The following NCS1 variants were observed in gnomAD, a reference collection of about 807,000 sequenced individuals.
NCS1 encodes neuronal calcium sensor 1.
A neutral mutation model predicts 28.4 loss-of-function variants in NCS1; 6 were observed. The observed-to-expected ratio is 0.21, with a 90% CI of 0.12 to 0.42. The LOEUF is 0.42. Among genes scored for constraint, NCS1 ranks in the 10% least tolerant of loss-of-function variants. The probability of loss-of-function intolerance (pLI) is 1.00; values close to 1 mark genes in which losing one functional copy is unlikely to be tolerated. For synonymous variants in NCS1, 86 were observed against 99.3 expected (o/e 0.87, Z 0.79); for missense variants, 131 against 241.4 (o/e 0.54, Z 3.03).
chr9:130,185,257 C>T (rs1049700968), intron 1 of NCS1, among the ~76,000 whole-genome samples: 1 of 152,262 alleles, frequency 6.6e-6, no homozygotes, highest in African/African-American at 2.4e-5. Flanking sequence ...GACTGCGTCT[C>T]GTTGCGTGGC....
At position 130,192,184 on chromosome 9, in the gene NCS1, G is replaced by A. The variant is rs369820441; in HGVS notation, c.65-8774G>A. ...GGTGGTCTCTCTTCTCACCCTGGCAGGGGCATCGAGTAATAAGTACAACAG... is the reference window on the plus strand; with the variant it reads ...GGTGGTCTCTCTTCTCACCCTGGCAAGGGCATCGAGTAATAAGTACAACAG... On this transcript the variant is annotated intron_variant, in intron 1 of 7. Transcript: ENST00000372398. The surrounding 1 kb of genome is among the most constrained non-coding windows in gnomAD (Gnocchi z 4.8). Among the ~76,000 whole-genome samples, 1 of 152,258 alleles carries A rather than the reference G, an allele frequency of 6.6e-6. No homozygotes were observed. Among genetic ancestry groups the A allele is most frequent in the East Asian group, 1.9e-4 (1 of 5,160 alleles).
At chr9:130,220,678 G>A (rs1283235470) in intron 4 of NCS1, among the ~76,000 whole-genome samples, 3 of 152,090 alleles carry the variant, frequency 2.0e-5, no homozygotes, top group Non-Finnish European at 4.4e-5. Flanking sequence ...AGAACTCCCT[G>A]CTCAGTAAGA....
At chr9:130,212,466 G>T (rs1455675876) in intron 2 of NCS1, among the ~76,000 whole-genome samples, 1 of 149,928 alleles carries the variant, frequency 6.7e-6, no homozygotes, top group Admixed American at 6.7e-5. Context: ...GGCCCCGAAC[G>T]TCAGGAGTGC....
At chr9:130,214,369 A>G (rs1230270431) in intron 2 of NCS1, among the ~76,000 whole-genome samples, 1 of 152,200 alleles carries the variant, frequency 6.6e-6, no homozygotes, top group African/African-American at 2.4e-5. Context: ...GGACTCTTGC[A>G]ATAGGTGTCA....
In NCS1 at chr9:130,217,996, C is replaced by G. The variant is rs782048190; in HGVS notation, c.228+26C>G. The G allele has an allele frequency of 2.5e-6, 4 of 1,613,692 alleles. No individual in the cohort carries two copies. The African/African-American group carries it at 5.3e-5, about 22-fold the overall frequency. ...GTGAGCTGGGGATTGATGGGGCCTGCGGCAGCTGGCTCAGCTCCTGTGGGT... is the reference window on the plus strand; with the variant it reads ...GTGAGCTGGGGATTGATGGGGCCTGGGGCAGCTGGCTCAGCTCCTGTGGGT... On this transcript the variant is annotated intron_variant, in intron 3 of 7. Transcript: ENST00000372398.
chr9:130,193,631 G>C (rs1375859455), intron 1 of NCS1, among the ~76,000 whole-genome samples: 1 of 151,368 alleles, frequency 6.6e-6, no homozygotes, highest in African/African-American at 2.4e-5. Context: ...GGACGGGGGT[G>C]GGGGAGCTGA....
chr9:130,195,687 G>A (rs1832869368), intron 1 of NCS1, among the ~76,000 whole-genome samples: 1 of 152,264 alleles, frequency 6.6e-6, no homozygotes, highest in Admixed American at 6.5e-5. Context: ...CCCTCCCAAA[G>A]TGTTGGGATT....
At chr9:130,193,427 G>T (rs1554906452) in intron 1 of NCS1, among the ~76,000 whole-genome samples, 1 of 152,092 alleles carries the variant, frequency 6.6e-6, no homozygotes. Context: ...TGGTGTGGGG[G>T]CGACGTCCAG....
chr9:130,221,405 TATATATATAGAGAG>T (rs1181879127), intron 4 of NCS1, among the ~76,000 whole-genome samples: 2,476 of 41,066 alleles, frequency 0.06, 41 homozygotes, highest in East Asian at 0.095. Context: ...TATATATATA[TATATATATAGAGAG>T]AGAGAGAGAG....
rs1832734780 is a variant in NCS1, at chr9:130,186,076, G to T, written c.64+13349G>T. ...GCAGGGAGCAGAGGGGAGGCCCTGG[G>T]TCCTGTGGGGGGCATGTGTGGCCAA... is the stretch of plus-strand genomic sequence containing the variant. On this transcript the variant is annotated intron_variant, in intron 1 of 7. Coordinates refer to ENST00000372398, the MANE Select transcript of NCS1 (RefSeq NM_014286.4). The surrounding 1 kb of genome is among the most constrained non-coding windows in gnomAD (Gnocchi z 4.1). Among the ~76,000 whole-genome samples the T allele has an allele frequency of 6.6e-6, 1 of 152,196 alleles. No homozygotes were observed. The highest frequency in any genetic ancestry group is 1.5e-5 in the Non-Finnish European group (1 of 68,032).
intron 1 of NCS1, among the ~76,000 whole-genome samples, chr9:130,196,669 G>A (rs1554906884): frequency 6.6e-6 from 1 of 152,142 alleles, no homozygotes; most frequent in Non-Finnish European, 1.5e-5. Context: ...AACCCTGGAG[G>A]CGGAGGTTGC....
chr9:130,200,966 A>G lies in NCS1; in HGVS notation c.73A>G (p.Lys25Glu), dbSNP rs1554907416. 6.2e-7 allele frequency: 1 copy of G among 1,614,110 alleles called. No individual in the cohort carries two copies. Among genetic ancestry groups the G allele is most frequent in the African/African-American group, 1.3e-5 (1 of 75,030 alleles). ...ELTRKTYFTEKEVQQWYKGFI... is the reference protein window; with the variant it reads ...ELTRKTYFTEEEVQQWYKGFI... ...TCTGCTTTCTCTTGCAGTTACCGAG[A>G]AGGAGGTCCAGCAGTGGTGAGTAGC... The change falls in exon 2 of 8, where the codon AAG (lysine) becomes GAG (glutamate). Residue 25 changes from lysine to glutamate, a missense_variant. Around this residue, in one of 2 missense-constraint regions of NCS1, gnomAD observed 31 missense variants for 31.1 expected, o/e 1.00. Coordinates refer to ENST00000372398, the MANE Select transcript of NCS1 (RefSeq NM_014286.4).
intron 2 of NCS1, among the ~76,000 whole-genome samples, chr9:130,213,585 TTTTC>T (rs1833143437): frequency 7.6e-6 from 1 of 130,796 alleles, no homozygotes. Flanking sequence ...GGCCCACCGG[TTTTC>T]TTTTCTTTTT....
intron 1 of NCS1, among the ~76,000 whole-genome samples, chr9:130,179,121 C>T (rs980494906): frequency 2.0e-5 from 3 of 151,384 alleles, no homozygotes; most frequent in East Asian, 2.0e-4. Context: ...TTAGTAGAGA[C>T]GGGGTTTCAC....
chr9:130,218,088 G>A (rs942791353), intron 3 of NCS1, 118 bp downstream of exon 3: 25 of 1,299,954 alleles, frequency 1.9e-5, no homozygotes, highest in Non-Finnish European at 2.6e-5. Context: ...ACACACACAC[G>A]AGTGCATACT....
At position 130,172,577 on chromosome 9, in the gene NCS1, C is replaced by G. The variant is rs1461724057; in HGVS notation, c.-87C>G. 1.5e-6 allele frequency: 1 copy of G among 661,262 alleles called. No homozygotes were observed. Among genetic ancestry groups the G allele is most frequent in the Non-Finnish European group, 1.9e-6 (1 of 517,100 alleles). The allele number at this position is 661,262 out of a possible 1,614,324, so 41.0% of individuals were successfully genotyped here. On this transcript the variant is annotated 5_prime_UTR_variant, in exon 1 of 8. Coordinates refer to ENST00000372398, the MANE Select transcript of NCS1 (RefSeq NM_014286.4). ...CGGGCGCCGCAGACAAAGGCGCGGC[C>G]CCGGCCCGGCCCGCCCGGCCCAGCC...
At chr9:130,205,259 G>A (rs11787867) in intron 2 of NCS1, among the ~76,000 whole-genome samples, 2 of 152,162 alleles carry the variant, frequency 1.3e-5, no homozygotes, top group Non-Finnish European at 2.9e-5. Context: ...TGGCGAATTA[G>A]AGGACCAGCA....
At position 130,181,392 on chromosome 9, in the gene NCS1, G is replaced by T. The variant is rs1399599863; in HGVS notation, c.64+8665G>T. 6.6e-6 allele frequency among the ~76,000 whole-genome samples: 1 copy of T among 152,198 alleles called. No individual in the cohort carries two copies. The highest frequency in any genetic ancestry group is 1.9e-4 in the East Asian group (1 of 5,198). On this transcript the variant is annotated intron_variant, in intron 1 of 7. Coordinates refer to ENST00000372398, the MANE Select transcript of NCS1 (RefSeq NM_014286.4). The surrounding 1 kb of genome is among the most constrained non-coding windows in gnomAD (Gnocchi z 5.0). ...GGAGGATCTGCGAGCTGCAGCACGG[G>T]ACGGTCAGGGGCTGTCACTGCGGTG...
intron 1 of NCS1, among the ~76,000 whole-genome samples, chr9:130,190,315 G>C (rs1014650471): frequency 9.9e-5 from 15 of 152,086 alleles, no homozygotes; most frequent in African/African-American, 3.6e-4. Context: ...ACAAAAGCAG[G>C]CACTCACAGA....
Sources: allele counts gnomAD v4.1 joint callset (sites outside exome capture counted in the v4.1 genomes callset), GRCh38; gene constraint gnomAD v4.1.1; regional missense constraint gnomAD v4.1.1; non-coding constraint Gnocchi (gnomAD v3.1); transcripts MANE v1.5; gene names NCBI Gene and HGNC (gene_info 2026-07-23, HGNC 2026-07-21).